Variants in FBLN2 observed in about 807,000 individuals in gnomAD.
FBLN2 encodes the protein fibulin 2.
A neutral mutation model predicts 123.7 loss-of-function variants in FBLN2; 81 were observed. That is an observed-to-expected ratio of 0.65 (90% CI 0.55 to 0.79). The LOEUF (loss-of-function observed/expected upper bound fraction) is 0.79, where lower values mean the gene tolerates loss of function less well. FBLN2 is among the 30% of genes least tolerant of loss of function. The pLI, the probability that FBLN2 is intolerant of heterozygous loss-of-function variation, is 0.00. For missense variants in FBLN2, 1,603 were observed against 1,681.3 expected (o/e 0.95, Z 0.81); for synonymous variants, 699 against 701.4 (o/e 1.00, Z 0.05).
At chr3:13,636,267 A>G (rs948842080) in intron 16 of FBLN2, among the ~76,000 whole-genome samples, 178 bp from the exon 17 acceptor site, 4 of 152,330 alleles carry the variant, frequency 2.6e-5, no homozygotes, top group Non-Finnish European at 5.9e-5. Context: ...CTTTAGAGCC[A>G]GGCCCCCTGC....
chr3:13,624,636 A>C (rs1308303661), intron 9 of FBLN2, among the ~76,000 whole-genome samples: 1 of 151,834 alleles, frequency 6.6e-6, no homozygotes, highest in Non-Finnish European at 1.5e-5. Flanking sequence ...ATCCTTGTAG[A>C]CTCAGCTCGA....
chr3:13,575,233 C>T (rs1704096854), intron 2 of FBLN2, among the ~76,000 whole-genome samples: 1 of 152,188 alleles, frequency 6.6e-6, no homozygotes. Context: ...AAACCATAAG[C>T]CGCATGCTCA....
chr3:13,570,526 G>T lies in FBLN2; in HGVS notation c.171G>T (p.Thr57=), dbSNP rs201140245. The T allele has an allele frequency of 1.9e-6, 3 of 1,592,318 alleles. No homozygotes were observed. Among genetic ancestry groups the T allele is most frequent in the Non-Finnish European group, 2.6e-6 (3 of 1,171,168 alleles). The part of the protein sequence containing the change: ...EALEPGACCA[T]CVQQGCACEG... ...TGGAGCCGGGTGCCTGCTGTGCCAC[G>T]TGTGTGCAGCAGGGCTGCGCCTGCG... Residue 57 remains threonine, a synonymous_variant, in exon 2 of 18, where the codon ACG becomes ACT. Transcript: ENST00000404922.
intron 2 of FBLN2, among the ~76,000 whole-genome samples, chr3:13,579,432 T>G (rs1477500994): frequency 3.3e-5 from 5 of 152,184 alleles, no homozygotes; most frequent in Non-Finnish European, 2.9e-5. Flanking sequence ...ACCTTATGGA[T>G]CCCTGAAAGG....
At chr3:13,552,094 G>A (rs1464124058) in intron 1 of FBLN2, among the ~76,000 whole-genome samples, 1 of 152,162 alleles carries the variant, frequency 6.6e-6, no homozygotes, top group Non-Finnish European at 1.5e-5. Context: ...ACTCACAGCA[G>A]GTGCAGGTGA....
At chr3:13,603,433 T>C (rs2124873400) in intron 2 of FBLN2, among the ~76,000 whole-genome samples, 1 of 127,604 alleles carries the variant, frequency 7.8e-6, no homozygotes, top group Non-Finnish European at 1.6e-5. Flanking sequence ...TTCCCCATCC[T>C]GTGTCCAAGT....
At chr3:13,582,223 T>C (rs1414872336) in intron 2 of FBLN2, among the ~76,000 whole-genome samples, 1 of 152,130 alleles carries the variant, frequency 6.6e-6, no homozygotes, top group South Asian at 2.1e-4. Flanking sequence ...CTGGGCTGCA[T>C]CCTGTTCACG....
intron 2 of FBLN2, among the ~76,000 whole-genome samples, chr3:13,577,440 G>A (rs1704187167): frequency 6.6e-6 from 1 of 152,186 alleles, no homozygotes; most frequent in African/African-American, 2.4e-5. Flanking sequence ...GGGGATAGGA[G>A]ATCTGGGAGG....
intron 1 of FBLN2, among the ~76,000 whole-genome samples, chr3:13,553,283 G>T (rs1047763866): frequency 2.0e-5 from 3 of 152,214 alleles, no homozygotes; most frequent in East Asian, 1.9e-4. Context: ...AGGTTGAAGG[G>T]TCCCTCTGCA....
intron 9 of FBLN2, among the ~76,000 whole-genome samples, chr3:13,624,525 C>A (rs542326294): frequency 6.6e-6 from 1 of 152,226 alleles, no homozygotes; most frequent in Non-Finnish European, 1.5e-5. Context: ...CAGCCATCCC[C>A]GGGTCTGCCT....
chr3:13,579,554 G>A (rs1343420832), intron 2 of FBLN2, among the ~76,000 whole-genome samples: 1 of 152,262 alleles, frequency 6.6e-6, no homozygotes, highest in Admixed American at 6.5e-5. Context: ...AGGACGCACA[G>A]CGTTCTGTTC....
intron 1 of FBLN2, among the ~76,000 whole-genome samples, chr3:13,553,549 C>G (rs1452665770): frequency 6.6e-6 from 1 of 152,222 alleles, no homozygotes; most frequent in Non-Finnish European, 1.5e-5. Context: ...TTTCCCAGGG[C>G]CCCTCGTGGG....
Sources: gnomAD v4.1 joint callset for allele counts (sites outside exome capture counted in the v4.1 genomes callset) on GRCh38, gnomAD v4.1.1 for gene constraint, MANE v1.5 for transcripts, NCBI Gene and HGNC (gene_info 2026-07-23, HGNC 2026-07-21) for gene names.